The following SH3PXD2B variants were observed in gnomAD, a reference collection of about 807,000 sequenced individuals.
SH3PXD2B encodes SH3 and PX domains 2B, also known as SH3 and PX domain-containing protein 2B.
A neutral mutation model predicts 73.1 loss-of-function variants in SH3PXD2B; 37 were observed. The ratio of observed to expected loss-of-function variants is 0.51; its 90% confidence interval spans 0.39 to 0.67. The LOEUF is 0.67. Ranked by LOEUF, SH3PXD2B falls within the 30% of genes least tolerant of loss-of-function variation. The pLI is 0.00. For synonymous variants in SH3PXD2B, 457 were observed against 480.5 expected, an observed-to-expected ratio of 0.95 and a Z score of 0.64; for missense variants, 1,053 against 1,197.8, an observed-to-expected ratio of 0.88 and a Z score of 1.78.
chr5:172,398,711 T>A (rs933215034), intron 3 of SH3PXD2B, among the ~76,000 whole-genome samples: 1 of 152,218 alleles, frequency 6.6e-6, no homozygotes, highest in African/African-American at 2.4e-5. Flanking sequence ...CAAAAACTTT[T>A]GGGTAACATT....
Position 172,362,801 on chromosome 5 carries a change from G to T in SH3PXD2B, c.496C>A (p.Gln166Lys), listed in dbSNP as rs761475512. The part of the protein sequence containing the change: ...QYVVVANYQK[Q>K]ESSEISLSVG... ...CTGAGGCTGATCTCCGAACTCTCCTGCTTCTGGTAGTTGGCTACCACCACA... is the reference window on the plus strand; with the variant it reads ...CTGAGGCTGATCTCCGAACTCTCCTTCTTCTGGTAGTTGGCTACCACCACA... Residue 166 changes from glutamine to lysine, a missense_variant, in exon 7 of 13, where the codon CAG (glutamine) becomes AAG (lysine). By Grantham distance (53) the Gln-to-Lys change is moderately conservative (BLOSUM62 1). Around this residue, in one of 2 missense-constraint regions of SH3PXD2B, gnomAD observed 466 missense variants for 607.1 expected, o/e 0.77. Transcript: ENST00000311601. The T allele has an allele frequency of 6.2e-7, 1 of 1,614,126 alleles. No individual in the cohort carries two copies. The highest frequency in any genetic ancestry group is 1.6e-4 in the Middle Eastern group (1 of 6,062).
intron 6 of SH3PXD2B, 141 bp from the exon 7 acceptor site, chr5:172,363,010 A>G (rs538230784): frequency 1.5e-4 from 172 of 1,157,544 alleles, no homozygotes; most frequent in Non-Finnish European, 2.1e-4. Context: ...GACTTCATCC[A>G]TTCATTGTTC....
intron 9 of SH3PXD2B, among the ~76,000 whole-genome samples, chr5:172,350,819 G>A (rs1375339716): frequency 6.6e-6 from 1 of 152,114 alleles, no homozygotes; most frequent in Non-Finnish European, 1.5e-5. Flanking sequence ...CCCTCTTACA[G>A]CACCCACCAT....
In SH3PXD2B at chr5:172,337,108, G is replaced by C. The variant is rs1303830633; in HGVS notation, c.*1261C>G. 4 of 985,416 alleles carry C rather than the reference G, an allele frequency of 4.1e-6. No homozygotes were observed. The South Asian group carries it at 1.9e-4, about 46-fold the overall frequency. 61.0% of individuals were successfully genotyped at this position (985,416 alleles called of 1,614,324 possible). ...GCAACAGCTTAGAAGAGGGAACAGG[G>C]CTCTGTGTCAACCACCAGGACCCTG... is the stretch of plus-strand genomic sequence containing the variant. On this transcript the variant is annotated 3_prime_UTR_variant, in exon 13 of 13. Coordinates refer to ENST00000311601, the MANE Select transcript of SH3PXD2B (RefSeq NM_001017995.3).
chr5:172,450,699 A>G (rs1759775133), intron 1 of SH3PXD2B, among the ~76,000 whole-genome samples: 1 of 151,992 alleles, frequency 6.6e-6, no homozygotes, highest in South Asian at 2.1e-4. Context: ...ATCCCTCTCC[A>G]GTGCGGGAAA....
In SH3PXD2B at chr5:172,338,856, G is replaced by A; in HGVS notation, c.2249C>T (p.Ala750Val). The A allele has an allele frequency of 3.7e-6, 6 of 1,612,678 alleles. No individual in the cohort carries two copies. Among genetic ancestry groups the A allele is most frequent in the Non-Finnish European group, 5.1e-6 (6 of 1,178,796 alleles). Residue 750 changes from alanine to valine, a missense_variant, in exon 13 of 13, where the codon GCT (alanine) becomes GTT (valine). By Grantham distance (64) the Ala-to-Val change is moderately conservative. Transcript: ENST00000311601. This position sits in a 1 kb window ranked among gnomAD's most constrained non-coding sequence, Gnocchi z 5.1. ...TGGGACCACAGGTCTCTGCTGGGGAGCCTCTTGGAGAGGAACAGGCACGCT... is the reference window on the plus strand; with the variant it reads ...TGGGACCACAGGTCTCTGCTGGGGAACCTCTTGGAGAGGAACAGGCACGCT... The part of the protein sequence containing the change: ...SKSVPVPLQE[A>V]PQQRPVVPPR...
Position 172,349,566 on chromosome 5 carries a change from GA to G in SH3PXD2B, c.1012+796del, listed in dbSNP as rs1423321812. On this transcript the variant is annotated intron_variant, in intron 10 of 12. Transcript: ENST00000311601. Reference sequence around the variant, plus strand: ...AAGGCCATCTTCTTCCTCTGGCTTAGAAACGAGGCCACATGGAGCAATAGAG... The same window carrying G: ...AAGGCCATCTTCTTCCTCTGGCTTAGAACGAGGCCACATGGAGCAATAGAG... 2.0e-5 allele frequency among the ~76,000 whole-genome samples: 3 copies of G among 152,238 alleles called. No homozygotes were observed. In the East Asian group the frequency reaches 5.8e-4, roughly 29 times the overall value.
Position 172,406,318 on chromosome 5 carries a change from C to A in SH3PXD2B, c.191G>T (p.Gly64Val). Residue 64 changes from glycine to valine, a missense_variant, in exon 3 of 13, where the codon GGA becomes GTA. Physicochemically the swap from Gly to Val is moderately radical, Grantham distance 109 (BLOSUM62 -3). Around this residue, in one of 2 missense-constraint regions of SH3PXD2B, gnomAD observed 466 missense variants for 607.1 expected, o/e 0.77. Coordinates refer to ENST00000311601, the MANE Select transcript of SH3PXD2B (RefSeq NM_001017995.3). The part of the protein sequence containing the change: ...QMLDKFPMEG[G>V]QKDPKQRIIP... ...GATCCGCTGCTTGGGGTCCTTCTGTCCTCCTTCCATGGGAAATTTGTCCAA... is the reference window on the plus strand; with the variant it reads ...GATCCGCTGCTTGGGGTCCTTCTGTACTCCTTCCATGGGAAATTTGTCCAA... 1 of 1,614,110 alleles carries A rather than the reference C, an allele frequency of 6.2e-7. No homozygotes were observed. Among genetic ancestry groups the A allele is most frequent in the Non-Finnish European group, 8.5e-7 (1 of 1,180,008 alleles).
At chr5:172,326,300 C>A (rs1035283136) in intron 12 of SH3PXD2B, among the ~76,000 whole-genome samples, 1 of 152,164 alleles carries the variant, frequency 6.6e-6, no homozygotes, top group African/African-American at 2.4e-5. Flanking sequence ...AATGTAGGAT[C>A]TACAGCAGCA....
At chr5:172,347,380 C>T in intron 10 of SH3PXD2B, 48 bp from the exon 11 acceptor site, 1 of 1,601,984 alleles carries the variant, frequency 6.2e-7, no homozygotes, top group Non-Finnish European at 8.6e-7. Context: ...AGATGAGATT[C>T]CTGAGCTGGG....
intron 12 of SH3PXD2B, among the ~76,000 whole-genome samples, chr5:172,326,737 T>C (rs1054699211): frequency 2.6e-5 from 4 of 152,216 alleles, no homozygotes; most frequent in Admixed American, 1.3e-4. Context: ...AATAGTTACG[T>C]AAATACTTGT....
intron 12 of SH3PXD2B, among the ~76,000 whole-genome samples, chr5:172,342,726 A>G (rs1006986561): frequency 5.3e-5 from 8 of 151,598 alleles, no homozygotes; most frequent in Non-Finnish European, 8.8e-5. Context: ...GTGCCATTGC[A>G]CTCCAGCCTG....
At chr5:172,424,363 A>T (rs1461046531) in intron 1 of SH3PXD2B, among the ~76,000 whole-genome samples, 2 of 152,214 alleles carry the variant, frequency 1.3e-5, no homozygotes, top group African/African-American at 4.8e-5. Flanking sequence ...GGCTGTGGGT[A>T]GAGGGGAATG....
At chr5:172,438,434 G>A (rs1245362826) in intron 1 of SH3PXD2B, among the ~76,000 whole-genome samples, 1 of 152,162 alleles carries the variant, frequency 6.6e-6, no homozygotes, top group African/African-American at 2.4e-5. Flanking sequence ...GCGACAATGA[G>A]CTCTCAGGAA....
chr5:172,424,547 A>G (rs975461880), intron 1 of SH3PXD2B, among the ~76,000 whole-genome samples: 1 of 152,250 alleles, frequency 6.6e-6, no homozygotes, highest in Non-Finnish European at 1.5e-5. Flanking sequence ...TGTGAATATC[A>G]TGGACTTATA....
intron 1 of SH3PXD2B, among the ~76,000 whole-genome samples, chr5:172,447,213 G>A (rs1027956834): frequency 5.3e-5 from 8 of 151,820 alleles, no homozygotes; most frequent in Admixed American, 1.3e-4. Flanking sequence ...AAAAAAAAAA[G>A]GAATGACATT....
At chr5:172,386,502 C>T (rs777455846) in intron 4 of SH3PXD2B, among the ~76,000 whole-genome samples, 6 of 152,182 alleles carry the variant, frequency 3.9e-5, no homozygotes, top group East Asian at 1.9e-4. Flanking sequence ...GAGAGCAGGA[C>T]GGGCTCTGCA....
intron 3 of SH3PXD2B, among the ~76,000 whole-genome samples, chr5:172,399,809 CCT>C (rs1758387255): frequency 6.6e-6 from 1 of 152,128 alleles, no homozygotes; most frequent in South Asian, 2.1e-4. Flanking sequence ...TCACCAGTTT[CCT>C]CTCACACTGA....
intron 5 of SH3PXD2B, among the ~76,000 whole-genome samples, chr5:172,374,696 GA>G (rs1278973887): frequency 9.2e-5 from 14 of 152,182 alleles, no homozygotes; most frequent in African/African-American, 3.1e-4. Flanking sequence ...GGGGAGTGGG[GA>G]AAGCAACTGT....
Sources: allele counts gnomAD v4.1 joint callset (sites outside exome capture counted in the v4.1 genomes callset), GRCh38; gene constraint gnomAD v4.1.1; regional missense constraint gnomAD v4.1.1; non-coding constraint Gnocchi (gnomAD v3.1); transcripts MANE v1.5; gene names NCBI Gene and HGNC (gene_info 2026-07-23, HGNC 2026-07-21).